Variants in SEPTIN9 observed in about 807,000 individuals in gnomAD.
The protein encoded by SEPTIN9 is septin 9, also known as septin-9.
A neutral mutation model predicts 56.6 loss-of-function variants in SEPTIN9; 13 were observed. The ratio of observed to expected loss-of-function variants is 0.23; its 90% CI spans 0.15 to 0.37. The LOEUF is 0.37. SEPTIN9 is among the 10% of genes least tolerant of loss of function. The pLI, the probability that SEPTIN9 is intolerant of heterozygous loss-of-function variation, is 1.00. For synonymous variants in SEPTIN9, 332 were observed against 334.1 expected (o/e 0.99, Z 0.07); for missense variants, 650 against 823.1 (o/e 0.79, Z 2.57).
At chr17:77,387,350 T>C (rs1450869589) in intron 2 of SEPTIN9, among the ~76,000 whole-genome samples, 1 of 152,204 alleles carries the variant, frequency 6.6e-6, no homozygotes. Flanking sequence ...ATGCTTGTCA[T>C]TGCATTTAGA....
chr17:77,316,914 TAC>T (rs1449837799), intron 2 of SEPTIN9, among the ~76,000 whole-genome samples: 2 of 152,128 alleles, frequency 1.3e-5, no homozygotes, highest in Admixed American at 6.5e-5. Flanking sequence ...CTAAACTCAA[TAC>T]AAAGAAAGAT....
intron 4 of SEPTIN9, among the ~76,000 whole-genome samples, chr17:77,485,076 TGGTAAAGG>T (rs1157246310): frequency 2.1e-3 from 1 of 474 alleles, no homozygotes. Context: ...ATGGTGATGG[TGGTAAAGG>T]GGTGATGGTG....
Position 77,281,504 on chromosome 17 carries a change from A to C in SEPTIN9, c.-32A>C. ...GCGCGCCCCGCTGCCTCGCCGCCAC[A>C]CTTTCCTGGGAGCGGCGGCCACGGA... is the stretch of plus-strand genomic sequence containing the variant. On this transcript the variant is annotated 5_prime_UTR_variant, in exon 1 of 12. Coordinates refer to ENST00000427177, the MANE Select transcript of SEPTIN9 (RefSeq NM_001113491.2). The C allele has an allele frequency of 6.5e-7, 1 of 1,545,840 alleles. No individual in the cohort carries two copies. Among genetic ancestry groups the C allele is most frequent in the Non-Finnish European group, 8.7e-7 (1 of 1,145,642 alleles).
rs1598398453 is a variant in SEPTIN9 at position 77,453,194 on chromosome 17, A to G, written c.722-28950A>G. On this transcript the variant is annotated intron_variant, in intron 3 of 11. Coordinates refer to ENST00000427177, the MANE Select transcript of SEPTIN9 (RefSeq NM_001113491.2). This position sits in a 1 kb window ranked among gnomAD's most constrained non-coding sequence, Gnocchi z 4.4. ...GTGCGCCTGGGGGGTGGCGTGGGGCACTCTGGGATGAGAAGATGCGACTTC... is the reference window on the plus strand; with the variant it reads ...GTGCGCCTGGGGGGTGGCGTGGGGCGCTCTGGGATGAGAAGATGCGACTTC... Among the ~76,000 whole-genome samples, 2 of 151,790 alleles carry G rather than the reference A, an allele frequency of 1.3e-5. No homozygotes were observed. The highest frequency in any genetic ancestry group is 1.9e-4 in the East Asian group (1 of 5,156).
At chr17:77,289,743 A>T (rs574723609) in intron 1 of SEPTIN9, among the ~76,000 whole-genome samples, 3 of 152,050 alleles carry the variant, frequency 2.0e-5, no homozygotes, top group Admixed American at 6.5e-5. Context: ...TTTTTTAAGG[A>T]AAGCAATCTA....
chr17:77,438,793 T>C (rs2037444109), intron 3 of SEPTIN9, among the ~76,000 whole-genome samples: 2 of 152,160 alleles, frequency 1.3e-5, no homozygotes, highest in Admixed American at 6.5e-5. Flanking sequence ...TGATGGGAAT[T>C]GAATGCCATT....
chr17:77,386,702 T>C (rs1000443780), intron 2 of SEPTIN9, among the ~76,000 whole-genome samples: 2 of 152,188 alleles, frequency 1.3e-5, no homozygotes, highest in African/African-American at 4.8e-5. Flanking sequence ...ACCACAGGCT[T>C]CCTGCCCCAG....
chr17:77,313,811 GC>G lies in SEPTIN9; in HGVS notation c.76+6616del, dbSNP rs1311593229. On this transcript the variant is annotated intron_variant, in intron 2 of 11. Coordinates refer to ENST00000427177, the MANE Select transcript of SEPTIN9 (RefSeq NM_001113491.2). The surrounding 1 kb of genome is among the most constrained non-coding windows in gnomAD (Gnocchi z 4.5). The stretch of plus-strand genomic sequence containing the variant: ...AGTGGCACAATTATAGCTCACTGCA[GC>G]CTCAACCTGCCAGGCTCAAGGGATC... Among the ~76,000 whole-genome samples, 2 of 151,268 alleles carry G rather than the reference GC, an allele frequency of 1.3e-5. No homozygotes were observed. Among genetic ancestry groups the G allele is most frequent in the Middle Eastern group, 3.5e-3 (1 of 286 alleles).
intron 1 of SEPTIN9, among the ~76,000 whole-genome samples, chr17:77,292,981 C>T (rs908606772): frequency 3.3e-5 from 5 of 150,056 alleles, no homozygotes; most frequent in Admixed American, 2.0e-4. Context: ...AAATGGAAAC[C>T]GCTTGAGCAT....
intron 2 of SEPTIN9, chr17:77,373,477 A>C (rs941478053): frequency 7.2e-6 from 11 of 1,524,146 alleles, no homozygotes; most frequent in South Asian, 2.5e-5. Context: ...CCTCCGCGCG[A>C]CCCGCTGCCC....
At position 77,498,808 on chromosome 17, in the gene SEPTIN9, G is replaced by A; in HGVS notation, c.*150G>A. ...CATGCTGCCAGGAAACAAGGGAAGG[G>A]GCCTCCCTCCGAGTGAGTCAGTGAT... On this transcript the variant is annotated 3_prime_UTR_variant, in exon 12 of 12. Transcript: ENST00000427177. 2 of 645,154 alleles carry A rather than the reference G, an allele frequency of 3.1e-6. No individual in the cohort carries two copies. Among genetic ancestry groups the A allele is most frequent in the Admixed American group, 2.2e-5 (1 of 46,008 alleles). 40.0% of individuals were successfully genotyped at this position (645,154 alleles called of 1,614,324 possible).
chr17:77,437,910 G>A lies in SEPTIN9; in HGVS notation c.721+35207G>A, dbSNP rs1347185840. Among the ~76,000 whole-genome samples the A allele has an allele frequency of 1.3e-5, 2 of 152,232 alleles. No homozygotes were observed. Among genetic ancestry groups the A allele is most frequent in the East Asian group, 3.9e-4 (2 of 5,192 alleles). On this transcript the variant is annotated intron_variant, in intron 3 of 11. Transcript: ENST00000427177. This position sits in a 1 kb window ranked among gnomAD's most constrained non-coding sequence, Gnocchi z 5.3. ...GTGGGGGCCCCTTGCTTGCGCTGGT[G>A]ACTGTGGCTGGTTGTTGGTGCCTGG... is the stretch of plus-strand genomic sequence containing the variant.
chr17:77,384,253 C>T (rs1020590983), intron 2 of SEPTIN9, among the ~76,000 whole-genome samples: 8 of 152,118 alleles, frequency 5.3e-5, no homozygotes, highest in Non-Finnish European at 1.2e-4. Flanking sequence ...ACTGTGGGAC[C>T]TCGGGCAGGT....
chr17:77,406,555 T>C (rs2144121078), intron 3 of SEPTIN9, among the ~76,000 whole-genome samples: 1 of 152,242 alleles, frequency 6.6e-6, no homozygotes, highest in East Asian at 1.9e-4. Flanking sequence ...AAAATTCACC[T>C]GTAAGCCAGC....
At chr17:77,285,527 A>G (rs1463898622) in intron 1 of SEPTIN9, among the ~76,000 whole-genome samples, 2 of 152,022 alleles carry the variant, frequency 1.3e-5, no homozygotes, top group Non-Finnish European at 2.9e-5. Context: ...CCTCCTGAGT[A>G]GCTGGGATTA....
chr17:77,472,749 GGCATCCCA>G (rs1482160878), intron 3 of SEPTIN9: 4 of 152,016 alleles, frequency 2.6e-5, no homozygotes, highest in Admixed American at 6.6e-5. Flanking sequence ...TCAGATTTCC[GGCATCCCA>G]GGTCCTAACC....
At position 77,367,314 on chromosome 17, in the gene SEPTIN9, A is replaced by G. The variant is rs2034601018; in HGVS notation, c.77-34745A>G. On this transcript the variant is annotated intron_variant, in intron 2 of 11. Coordinates refer to ENST00000427177, the MANE Select transcript of SEPTIN9 (RefSeq NM_001113491.2). The surrounding 1 kb of genome is among the most constrained non-coding windows in gnomAD (Gnocchi z 4.5). The stretch of plus-strand genomic sequence containing the variant: ...GGAGCAGGTCTGCTTGGTGGCTGGC[A>G]GAACGCACATGAAGAATCCATGTGT... Among the ~76,000 whole-genome samples the G allele has an allele frequency of 6.6e-6, 1 of 152,226 alleles. No homozygotes were observed. Among genetic ancestry groups the G allele is most frequent in the Non-Finnish European group, 1.5e-5 (1 of 68,034 alleles).
At chr17:77,295,489 G>C (rs1023286039) in intron 1 of SEPTIN9, among the ~76,000 whole-genome samples, 3 of 152,060 alleles carry the variant, frequency 2.0e-5, no homozygotes, top group Non-Finnish European at 4.4e-5. Flanking sequence ...GAGAGCTCCC[G>C]CGCCCTCCCT....
chr17:77,487,592 T>C lies in SEPTIN9; in HGVS notation c.1042+40T>C, dbSNP rs777779090. The stretch of plus-strand genomic sequence containing the variant: ...GTGGGCTGGGGGTGCAGGACGCCCC[T>C]GCCTTCCTGGAGCACAGGGGTTGGG... On this transcript the variant is annotated intron_variant, in intron 5 of 11. Transcript: ENST00000427177. This position sits in a 1 kb window ranked among gnomAD's most constrained non-coding sequence, Gnocchi z 4.3. The C allele has an allele frequency of 1.9e-6, 3 of 1,603,992 alleles. No homozygotes were observed. Among genetic ancestry groups the C allele is most frequent in the East Asian group, 4.5e-5 (2 of 44,562 alleles).
Sources: allele counts gnomAD v4.1 joint callset (sites outside exome capture counted in the v4.1 genomes callset), GRCh38; gene constraint gnomAD v4.1.1; non-coding constraint Gnocchi (gnomAD v3.1); transcripts MANE v1.5; gene names NCBI Gene and HGNC (gene_info 2026-07-23, HGNC 2026-07-21).